Variants in MANBA observed in about 807,000 individuals in gnomAD.
MANBA encodes the protein mannosidase beta.
Under a neutral mutation model 111.1 loss-of-function variants are expected in MANBA, and 83 were observed. The observed-to-expected ratio is 0.75, with a 90% CI of 0.63 to 0.90. The LOEUF is 0.90. Among genes scored for constraint, MANBA ranks in the 40% least tolerant of loss-of-function variants. The pLI, the probability that MANBA is intolerant of heterozygous loss-of-function variation, is 0.00. For synonymous variants in MANBA, 370 were observed against 378.7 expected (o/e 0.98, Z 0.27); for missense variants, 1,036 against 1,069.0 (o/e 0.97, Z 0.43).
At chr4:102,682,615 C>A (rs1328186990) in intron 7 of MANBA, 1 of 152,202 alleles carries the variant, frequency 6.6e-6, no homozygotes, top group African/African-American at 2.4e-5. Flanking sequence ...GAAATAAAGT[C>A]TTCGCAAATA....
intron 16 of MANBA, chr4:102,633,329 G>A (rs1729471324): frequency 2.5e-6 from 1 of 398,654 alleles, no homozygotes; most frequent in Non-Finnish European, 4.4e-6. Flanking sequence ...TGCCCAGGAA[G>A]CTGCCAGGGT....
intron 1 of MANBA, among the ~76,000 whole-genome samples, chr4:102,737,112 T>TG (rs980853745): frequency 6.6e-6 from 1 of 151,920 alleles, no homozygotes; most frequent in Non-Finnish European, 1.5e-5. Context: ...CAGAGGTCTT[T>TG]GGGGAAGGGA....
chr4:102,725,965 G>A (rs945488736), intron 2 of MANBA, among the ~76,000 whole-genome samples: 2 of 152,130 alleles, frequency 1.3e-5, no homozygotes, highest in Non-Finnish European at 2.9e-5. Flanking sequence ...TTGAGTTCAA[G>A]GTGAAATAGA....
chr4:102,683,654 G>T (rs1397403213), intron 7 of MANBA, among the ~76,000 whole-genome samples: 1 of 152,136 alleles, frequency 6.6e-6, no homozygotes, highest in Non-Finnish European at 1.5e-5. Context: ...TTTACCCAGA[G>T]TATCCTCTAC....
chr4:102,639,984 G>A (rs1729809796), intron 13 of MANBA, 127 bp from the exon 14 acceptor site: 3 of 960,010 alleles, frequency 3.1e-6, no homozygotes, highest in Non-Finnish European at 4.9e-6. Flanking sequence ...TAAAATTAGG[G>A]AATTTAATTA....
At chr4:102,714,416 A>C (rs761692669) in intron 5 of MANBA, 22 bp downstream of exon 5, 8 of 1,596,200 alleles carry the variant, frequency 5.0e-6, no homozygotes, top group Non-Finnish European at 6.9e-6. Context: ...AAAAGAAAAA[A>C]AAATCACATC....
intron 11 of MANBA, among the ~76,000 whole-genome samples, chr4:102,660,753 C>T (rs1560755071): frequency 6.7e-6 from 1 of 149,142 alleles, no homozygotes; most frequent in Non-Finnish European, 1.5e-5. Flanking sequence ...CCACATCCAG[C>T]TTTAATTTAA....
At chr4:102,635,296 T>G (rs1729574215) in intron 15 of MANBA, among the ~76,000 whole-genome samples, 2 of 152,172 alleles carry the variant, frequency 1.3e-5, no homozygotes, top group African/African-American at 4.8e-5. Context: ...TAAAAAATAA[T>G]CCACGGAAGG....
chr4:102,700,693 T>C (rs1732988243), intron 5 of MANBA, among the ~76,000 whole-genome samples: 1 of 152,208 alleles, frequency 6.6e-6, no homozygotes, highest in South Asian at 2.1e-4. Flanking sequence ...TAATTCTGAG[T>C]TCTAGTTTGA....
intron 11 of MANBA, among the ~76,000 whole-genome samples, chr4:102,659,418 T>C (rs1350646363): frequency 2.0e-5 from 3 of 152,218 alleles, no homozygotes; most frequent in African/African-American, 7.2e-5. Context: ...TCATATTTCA[T>C]TTCTTGTTTC....
intron 5 of MANBA, among the ~76,000 whole-genome samples, chr4:102,691,918 C>T (rs1041985176): frequency 3.9e-5 from 6 of 152,086 alleles, no homozygotes; most frequent in Non-Finnish European, 7.4e-5. Flanking sequence ...TGTGAAGGCC[C>T]ATGAGTGAGA....
chr4:102,671,968 A>G, intron 8 of MANBA: 1 of 403,008 alleles, frequency 2.5e-6, no homozygotes, highest in Non-Finnish European at 4.4e-6. Context: ...GGGCAGACCC[A>G]GAGCACTGTG....
At chr4:102,660,679 C>T (rs918497286) in intron 11 of MANBA, among the ~76,000 whole-genome samples, 1 of 151,486 alleles carries the variant, frequency 6.6e-6, no homozygotes, top group African/African-American at 2.4e-5. Context: ...TGGTCTCAAA[C>T]TCCTGGCCTC....
chr4:102,730,544 A>C, intron 1 of MANBA: 1 of 533,006 alleles, frequency 1.9e-6, no homozygotes, highest in South Asian at 1.4e-5. Context: ...TTCTATGAGA[A>C]ATAAGGCAAG....
At chr4:102,671,502 T>C (rs1225257220) in intron 8 of MANBA, 104 bp from the exon 9 acceptor site, 29 of 730,782 alleles carry the variant, frequency 4.0e-5, no homozygotes, top group Non-Finnish European at 6.1e-5. Context: ...TCTAAAATCA[T>C]GATGGTTTGG....
chr4:102,665,242 A>G (rs1731167097), intron 10 of MANBA: 2 of 212,412 alleles, frequency 9.4e-6, no homozygotes, highest in African/African-American at 4.8e-5. Context: ...CTTAAGAGCA[A>G]ATTGGACAAA....
intron 5 of MANBA, among the ~76,000 whole-genome samples, chr4:102,703,099 T>TA (rs1210142859): frequency 6.6e-6 from 1 of 152,210 alleles, no homozygotes; most frequent in Non-Finnish European, 1.5e-5. Flanking sequence ...ACTACAGAGA[T>TA]AGCTACTGTT....
chr4:102,650,389 C>T (rs896542525), intron 13 of MANBA, 148 bp downstream of exon 13: 84 of 798,120 alleles, frequency 1.1e-4, no homozygotes, highest in Middle Eastern at 2.8e-4. Flanking sequence ...TCCTATGTGT[C>T]ATCATATATG....
chr4:102,749,479 A>G (rs1723707637), intron 1 of MANBA, among the ~76,000 whole-genome samples: 1 of 152,266 alleles, frequency 6.6e-6, no homozygotes, highest in Non-Finnish European at 1.5e-5. Context: ...TTTTAGTGGC[A>G]TATTTTGAAC....
Sources: allele counts gnomAD v4.1 joint callset (sites outside exome capture counted in the v4.1 genomes callset), GRCh38; gene constraint gnomAD v4.1.1; transcripts MANE v1.5; gene names NCBI Gene and HGNC (gene_info 2026-07-23, HGNC 2026-07-21).